Variants in HJURP observed in about 807,000 individuals in gnomAD.
HJURP encodes the protein Holliday junction recognition protein.
In HJURP, 49 loss-of-function variants were observed where a neutral mutation model predicts 72.0. That is an observed-to-expected ratio of 0.68 (90% confidence interval 0.54 to 0.86). HJURP has a LOEUF of 0.86. Among genes scored for constraint, HJURP ranks in the 40% least tolerant of loss-of-function variants. The pLI is 0.00. For missense variants in HJURP, 908 were observed against 936.3 expected, an observed-to-expected ratio of 0.97 and a Z score of 0.39; for synonymous variants, 357 against 347.1, an observed-to-expected ratio of 1.03 and a Z score of -0.32.
Position 233,853,867 on chromosome 2 carries a change from G to A in HJURP, c.161C>T (p.Thr54Met), listed in dbSNP as rs1186359521. ...ACCCTGTGGCGTCTCGTAGGTCAGC[G>A]TGGCCATTTGCACCACCGGGGTGTC... ...FEDTPVVQMA[T>M]LTYETPQGLR... Residue 54 changes from threonine to methionine, a missense_variant, in exon 2 of 9, where the codon ACG (threonine) becomes ATG (methionine). Transcript: ENST00000411486. 1.9e-6 allele frequency: 3 copies of A among 1,613,956 alleles called. No individual in the cohort carries two copies. The African/African-American group carries it at 4.0e-5, about 22-fold the overall frequency.
At chr2:233,845,869 T>G (rs1188880516) in intron 5 of HJURP, 49 bp from the exon 6 acceptor site, 1 of 1,234,136 alleles carries the variant, frequency 8.1e-7, no homozygotes. Context: ...TGAGTATAGC[T>G]GACCTTTTGG....
chr2:233,854,191 G>A (rs979361500), intron 1 of HJURP, among the ~76,000 whole-genome samples, 193 bp downstream of exon 1: 4 of 151,800 alleles, frequency 2.6e-5, no homozygotes, highest in Non-Finnish European at 4.4e-5. Flanking sequence ...CGAAGCCTTC[G>A]GCGCTGCCTC....
chr2:233,844,371 T>A, intron 6 of HJURP, 88 bp from the exon 7 acceptor site: 1 of 926,990 alleles, frequency 1.1e-6, no homozygotes, highest in Non-Finnish European at 1.8e-6. Flanking sequence ...CGATGCGGAC[T>A]GTGCATCTTA....
chr2:233,846,783 T>C lies in HJURP; in HGVS notation c.402+614A>G, dbSNP rs1348695270. On this transcript the variant is annotated intron_variant, in intron 5 of 8. Coordinates refer to ENST00000411486, the MANE Select transcript of HJURP (RefSeq NM_018410.5). This position sits in a 1 kb window ranked among gnomAD's most constrained non-coding sequence, Gnocchi z 4.3. ...AGGTATTCTGGCAGGCAACAGAGTG[T>C]GACACGGGGGCCAGGAAAGATGCTG... is the stretch of plus-strand genomic sequence containing the variant. Among the ~76,000 whole-genome samples the C allele has an allele frequency of 6.6e-6, 1 of 152,198 alleles. No homozygotes were observed. Among genetic ancestry groups the C allele is most frequent in the Non-Finnish European group, 1.5e-5 (1 of 68,046 alleles).
Position 233,849,798 on chromosome 2 carries a change from G to A in HJURP, c.302C>T (p.Pro101Leu). ...GACTGTGCGGTGCGAGGGAAGCTCA[G>A]GACCCCAGGCTGCAGCTTGCACGGA... The part of the protein sequence containing the change: ...DGSVQAAAWG[P>L]ELPSHRTVLG... The change falls in exon 4 of 9, where the codon CCT becomes CTT. Residue 101 changes from proline (P) to leucine (L), a missense_variant. This residue lies in a region of HJURP where 299 missense variants were observed against 286.7 expected (regional missense o/e 1.04). Coordinates refer to ENST00000411486, the MANE Select transcript of HJURP (RefSeq NM_018410.5). 6.4e-7 allele frequency: 1 copy of A among 1,555,198 alleles called. No individual in the cohort carries two copies. The highest frequency in any genetic ancestry group is 8.7e-7 in the Non-Finnish European group (1 of 1,148,876).
chr2:233,842,314 T>G, intron 7 of HJURP, 109 bp from the exon 8 acceptor site: 1 of 922,308 alleles, frequency 1.1e-6, no homozygotes, highest in Non-Finnish European at 1.6e-6. Context: ...TTTTAAGCAA[T>G]AGCAAAAACA....
At chr2:233,844,160 T>C (rs1332298352) in intron 7 of HJURP, 45 bp downstream of exon 7, 2 of 1,543,890 alleles carry the variant, frequency 1.3e-6, no homozygotes, top group East Asian at 4.5e-5. Flanking sequence ...CCAACAAAAG[T>C]GAAGGAAACA....
At chr2:233,842,493 A>C (rs974672503) in intron 7 of HJURP, among the ~76,000 whole-genome samples, 3 of 152,206 alleles carry the variant, frequency 2.0e-5, no homozygotes, top group African/African-American at 7.2e-5. Flanking sequence ...AAAAATGACA[A>C]CACTGTTTAC....
At chr2:233,845,979 C>T in intron 5 of HJURP, 159 bp from the exon 6 acceptor site, 1 of 567,974 alleles carries the variant, frequency 1.8e-6, no homozygotes, top group South Asian at 2.4e-5. Context: ...GTCACTTTTT[C>T]ACTTCCTGCT....
intron 5 of HJURP, among the ~76,000 whole-genome samples, chr2:233,847,106 C>T (rs553464328): frequency 3.9e-5 from 6 of 152,280 alleles, no homozygotes; most frequent in East Asian, 1.9e-4. Flanking sequence ...AGGCAGATGG[C>T]GCCCTGCCAA....
intron 3 of HJURP, 55 bp from the exon 4 acceptor site, chr2:233,849,914 A>G (rs957683800): frequency 2.9e-6 from 3 of 1,031,044 alleles, no homozygotes; most frequent in Admixed American, 2.0e-5. Flanking sequence ...GCACATTTCA[A>G]AGTCACCGCA....
At position 233,837,327 on chromosome 2, in the gene HJURP, CCA is replaced by C. The variant is rs1491103772; in HGVS notation, c.*248_*249del. ...AAACAAACAAACAAATAACCCCCCC[CCA>C]AAAAAAACACACACATCAGAAAAAC... On this transcript the variant is annotated 3_prime_UTR_variant, in exon 9 of 9. Transcript: ENST00000411486. 39 of 311,122 alleles carry C rather than the reference CCA, an allele frequency of 1.3e-4. 1 individual carries two copies. The highest frequency in any genetic ancestry group is 9.7e-4 in the South Asian group (18 of 18,624). The allele number at this position is 311,122 out of a possible 1,614,324, so 19.3% of individuals were successfully genotyped here.
Position 233,841,778 on chromosome 2 carries a change from T to A in HJURP, c.1002A>T (p.Thr334=). The part of the protein sequence containing the change: ...FIPCSEPVKG[T]GALRDCKNVL... ...CGTTCTTGCAATCTCTTAATGCCCC[T>A]GTCCCTTTCACAGGCTCAGAGCAGG... Residue 334 remains threonine, a synonymous_variant, in exon 8 of 9, where the codon ACA becomes ACT. Coordinates refer to ENST00000411486, the MANE Select transcript of HJURP (RefSeq NM_018410.5). 6.2e-7 allele frequency: 1 copy of A among 1,614,188 alleles called. No individual in the cohort carries two copies. The highest frequency in any genetic ancestry group is 1.3e-5 in the African/African-American group (1 of 75,052).
chr2:233,843,737 C>T (rs1705288147), intron 7 of HJURP, among the ~76,000 whole-genome samples: 1 of 152,256 alleles, frequency 6.6e-6, no homozygotes, highest in Admixed American at 6.5e-5. Context: ...AACAGTACCG[C>T]ATCAATGTTC....
In HJURP at chr2:233,846,618, C is replaced by T. The variant is rs960683255; in HGVS notation, c.402+779G>A. On this transcript the variant is annotated intron_variant, in intron 5 of 8. Coordinates refer to ENST00000411486, the MANE Select transcript of HJURP (RefSeq NM_018410.5). The surrounding 1 kb of genome is among the most constrained non-coding windows in gnomAD (Gnocchi z 4.3). ...GGTACCACCCACTTCCCCTTTGTTCCAATCCCTACACAATCTCTCAGTGAG... is the reference window on the plus strand; with the variant it reads ...GGTACCACCCACTTCCCCTTTGTTCTAATCCCTACACAATCTCTCAGTGAG... Among the ~76,000 whole-genome samples, 3 of 152,178 alleles carry T rather than the reference C, an allele frequency of 2.0e-5. No homozygotes were observed. Among genetic ancestry groups the T allele is most frequent in the African/African-American group, 7.2e-5 (3 of 41,432 alleles).
At chr2:233,850,659 G>A (rs191332152) in intron 3 of HJURP, among the ~76,000 whole-genome samples, 1 of 152,352 alleles carries the variant, frequency 6.6e-6, no homozygotes, top group African/African-American at 2.4e-5. Flanking sequence ...CTACCCAGGA[G>A]CACTACAGGG....
rs959941762 is a variant in HJURP at position 233,837,487 on chromosome 2, C to A, written c.*90G>T. The stretch of plus-strand genomic sequence containing the variant: ...TTACTTTAAGGGCAGAGAAGTCAAC[C>A]AAGTCCTCACAGTCTCAAGAATCAA... On this transcript the variant is annotated 3_prime_UTR_variant, in exon 9 of 9. Transcript: ENST00000411486. 9.1e-6 allele frequency: 8 copies of A among 882,142 alleles called. No individual in the cohort carries two copies. In the African/African-American group the frequency reaches 1.3e-4, roughly 15 times the overall value. The allele number at this position is 882,142 out of a possible 1,614,324, so 54.6% of individuals were successfully genotyped here. A position where few individuals can be genotyped will look rare whatever the true frequency, so the allele number is the denominator to read the frequency against.
At chr2:233,849,931 T>A in intron 3 of HJURP, 72 bp from the exon 4 acceptor site, 2 of 870,346 alleles carry the variant, frequency 2.3e-6, no homozygotes, top group Non-Finnish European at 3.7e-6. Flanking sequence ...CGCAAAATAA[T>A]AAAACTGCAA....
Position 233,837,617 on chromosome 2 carries a change from C to A in HJURP, c.2207G>T (p.Ser736Ile). The A allele has an allele frequency of 6.2e-7, 1 of 1,611,590 alleles. No homozygotes were observed. The highest frequency in any genetic ancestry group is 8.5e-7 in the Non-Finnish European group (1 of 1,178,430). ...TTCCAATTTTTCTAGCATGAAATCACTTTTCTCTTCCATCCTGTAAGACGT... is the reference window on the plus strand; with the variant it reads ...TTCCAATTTTTCTAGCATGAAATCAATTTTCTCTTCCATCCTGTAAGACGT... ...ENTSYRMEEK[S>I]DFMLEKLETK... Residue 736 changes from serine (S) to isoleucine (I), a missense_variant, in exon 9 of 9, where the codon AGT becomes ATT. This residue lies in a region of HJURP where 598 missense variants were observed against 619.5 expected (regional missense o/e 0.97). Coordinates refer to ENST00000411486, the MANE Select transcript of HJURP (RefSeq NM_018410.5).
Sources: allele counts gnomAD v4.1 joint callset (sites outside exome capture counted in the v4.1 genomes callset), GRCh38; gene constraint gnomAD v4.1.1; regional missense constraint gnomAD v4.1.1; non-coding constraint Gnocchi (gnomAD v3.1); transcripts MANE v1.5; gene names NCBI Gene and HGNC (gene_info 2026-07-23, HGNC 2026-07-21).